Variants in KIF20A observed in about 807,000 individuals in gnomAD.
KIF20A encodes kinesin-like protein KIF20A.
A neutral mutation model predicts 113.0 loss-of-function variants in KIF20A; 66 were observed. The observed-to-expected ratio is 0.58, with a 90% CI of 0.48 to 0.72. The LOEUF (loss-of-function observed/expected upper bound fraction) is 0.72. Among genes scored for constraint, KIF20A ranks in the 30% least tolerant of loss-of-function variants. The probability of loss-of-function intolerance (pLI) is 0.00; values close to 1 mark genes in which losing one functional copy is unlikely to be tolerated. For synonymous variants in KIF20A, 376 were observed against 402.3 expected (o/e 0.93, Z 0.78); for missense variants, 927 against 1,077.6 (o/e 0.86, Z 1.96).
Position 138,183,582 on chromosome 5 carries a change from G to A in KIF20A, c.1139+1G>A, listed in dbSNP as rs763530837. ...ACCTCAACCAGAACTCCAGCCGCAG[G>A]TGAGTAGATTGTAAGAATAAACTCT... On this transcript the variant is annotated splice_donor_variant, in intron 9 of 18. Transcript: ENST00000394894. LOFTEE classifies it high-confidence loss of function. This position sits in a 1 kb window ranked among gnomAD's most constrained non-coding sequence, Gnocchi z 5.2. 3 of 1,613,708 alleles carry A rather than the reference G, an allele frequency of 1.9e-6. No homozygotes were observed. The highest frequency in any genetic ancestry group is 2.5e-6 in the Non-Finnish European group (3 of 1,179,738).
intron 4 of KIF20A, 182 bp downstream of exon 4, chr5:138,181,910 A>G (rs1007024137): frequency 1.6e-6 from 1 of 641,874 alleles, no homozygotes; most frequent in African/African-American, 1.8e-5. Context: ...AGTTCTGAAA[A>G]ATTCTATTGT....
chr5:138,184,618 A>G lies in KIF20A; in HGVS notation c.1625A>G (p.Asp542Gly). 6.2e-7 allele frequency: 1 copy of G among 1,614,202 alleles called. No individual in the cohort carries two copies. Among genetic ancestry groups the G allele is most frequent in the Non-Finnish European group, 8.5e-7 (1 of 1,180,018 alleles). ...AGCTTAGAGAAAGGGGCTAAGGCAG[A>G]CACAGGCCTTGATGATGATATTGAA... The part of the protein sequence containing the change: ...SPSLEKGAKA[D>G]TGLDDDIENE... The change falls in exon 13 of 19, where the codon GAC becomes GGC. Residue 542 changes from aspartate (D) to glycine (G), a missense_variant. Asp to Gly is a moderately conservative substitution (Grantham distance 94). Coordinates refer to ENST00000394894, the MANE Select transcript of KIF20A (RefSeq NM_005733.3).
chr5:138,179,859 G>A lies in KIF20A; in HGVS notation c.165+14G>A. The A allele has an allele frequency of 1.2e-6, 2 of 1,613,296 alleles. No individual in the cohort carries two copies. Among genetic ancestry groups the A allele is most frequent in the South Asian group, 2.2e-5 (2 of 91,024 alleles). On this transcript the variant is annotated intron_variant, in intron 2 of 18. Coordinates refer to ENST00000394894, the MANE Select transcript of KIF20A (RefSeq NM_005733.3). ...GACAAGCAGCAGGTAAAGGAACTGG[G>A]GAGTGGCTGGGGCGGAAAGTGATAT...
chr5:138,180,324 A>G (rs1025152458), intron 2 of KIF20A, among the ~76,000 whole-genome samples: 6 of 152,202 alleles, frequency 3.9e-5, no homozygotes, highest in African/African-American at 1.4e-4. Flanking sequence ...CAGTTCTTGT[A>G]GGGATCTGTC....
chr5:138,181,355 T>C (rs998821911), intron 2 of KIF20A, 67 bp from the exon 3 acceptor site: 3 of 1,275,456 alleles, frequency 2.4e-6, no homozygotes, highest in Non-Finnish European at 3.4e-6. Context: ...GAAACTACTG[T>C]TTGCCCATTT....
In KIF20A at chr5:138,187,646, G is replaced by A; in HGVS notation, c.*233G>A. Reference sequence around the variant, plus strand: ...TGCACACAAAAACAGTTATATTAAAGATATTATTGTTCACATTTTTTATTG... The same window carrying A: ...TGCACACAAAAACAGTTATATTAAAAATATTATTGTTCACATTTTTTATTG... On this transcript the variant is annotated 3_prime_UTR_variant, in exon 19 of 19. Transcript: ENST00000394894. 2.7e-6 allele frequency: 1 copy of A among 366,774 alleles called. No homozygotes were observed. Among genetic ancestry groups the A allele is most frequent in the Non-Finnish European group, 4.9e-6 (1 of 202,734 alleles). The allele number at this position is 366,774 out of a possible 1,614,324, so 22.7% of individuals were successfully genotyped here. A position where few individuals can be genotyped will look rare whatever the true frequency, so the allele number is the denominator to read the frequency against.
Position 138,183,681 on chromosome 5 carries a change from C to T in KIF20A, c.1140-7C>T. The stretch of plus-strand genomic sequence containing the variant: ...TGCAATGACTTTTTGTTTTTCTTAA[C>T]TTCCAGTCACAGCATCTTCTCAATC... On this transcript the variant is annotated splice_polypyrimidine_tract_variant and splice_region_variant and intron_variant, in intron 9 of 18. Transcript: ENST00000394894. This position sits in a 1 kb window ranked among gnomAD's most constrained non-coding sequence, Gnocchi z 5.2. 6.2e-7 allele frequency: 1 copy of T among 1,613,604 alleles called. No homozygotes were observed. The highest frequency in any genetic ancestry group is 8.5e-7 in the Non-Finnish European group (1 of 1,179,654).
At position 138,182,931 on chromosome 5, in the gene KIF20A, A is replaced by ACAGTGGCATTGCTGGGCT; in HGVS notation, c.775_792dup (p.Gly260_Ser265dup). The ACAGTGGCATTGCTGGGCT allele has an allele frequency of 6.2e-7, 1 of 1,614,202 alleles. No homozygotes were observed. Among genetic ancestry groups the ACAGTGGCATTGCTGGGCT allele is most frequent in the Non-Finnish European group, 8.5e-7 (1 of 1,180,024 alleles). ...CGGATAGGTACCAGCACCAGCTTCG[A>ACAGTGGCATTGCTGGGCT]CAGTGGCATTGCTGGGCTCTCTTCT... is the stretch of plus-strand genomic sequence containing the variant. On this transcript the variant is annotated inframe_insertion, in exon 7 of 19. Coordinates refer to ENST00000394894, the MANE Select transcript of KIF20A (RefSeq NM_005733.3).
Position 138,187,194 on chromosome 5 carries a change from G to A in KIF20A, c.2454G>A (p.Leu818=). The A allele has an allele frequency of 6.2e-7, 1 of 1,614,134 alleles. No individual in the cohort carries two copies. Among genetic ancestry groups the A allele is most frequent in the Non-Finnish European group, 8.5e-7 (1 of 1,180,008 alleles). ...TTGCTGAGCAGTATCATACTGTGTT[G>A]AAACTCCAAGGCCAGGTTTCTGCCA... ...ACIAEQYHTV[L]KLQGQVSAKK... Residue 818 remains leucine, a synonymous_variant, in exon 19 of 19, where the codon TTG becomes TTA. Coordinates refer to ENST00000394894, the MANE Select transcript of KIF20A (RefSeq NM_005733.3).
rs539429824 is a variant in KIF20A, at chr5:138,187,501, A to G, written c.*88A>G. On this transcript the variant is annotated 3_prime_UTR_variant, in exon 19 of 19. Transcript: ENST00000394894. ...ATAGGTCTCTTTTATGCTTTACCAT[A>G]TATCAGGAATTATATCCAGGATGCA... 1 of 1,068,380 alleles carries G rather than the reference A, an allele frequency of 9.4e-7. No individual in the cohort carries two copies. Among genetic ancestry groups the G allele is most frequent in the African/African-American group, 1.6e-5 (1 of 63,060 alleles). 66.2% of individuals were successfully genotyped at this position (1,068,380 alleles called of 1,614,324 possible).
rs1415204440 is a variant in KIF20A at position 138,184,195 on chromosome 5, C to G, written c.1353-44C>G. On this transcript the variant is annotated intron_variant, in intron 11 of 18. Transcript: ENST00000394894. ...GGATGGTGCTAGGATACCCAAAGGGCTGGTGTTCTGCTCACAGCTCTATTA... is the reference window on the plus strand; with the variant it reads ...GGATGGTGCTAGGATACCCAAAGGGGTGGTGTTCTGCTCACAGCTCTATTA... The G allele has an allele frequency of 5.6e-6, 9 of 1,611,062 alleles. No homozygotes were observed. In the Middle Eastern group the frequency reaches 8.3e-4, roughly 148 times the overall value.
intron 4 of KIF20A, 30 bp downstream of exon 4, chr5:138,181,758 G>C: frequency 6.2e-7 from 1 of 1,611,142 alleles, no homozygotes; most frequent in Non-Finnish European, 8.5e-7. Flanking sequence ...GTGAACAAAA[G>C]ACCAACATGT....
chr5:138,182,516 A>G (rs747521180), intron 5 of KIF20A, 55 bp downstream of exon 5: 7 of 1,611,736 alleles, frequency 4.3e-6, no homozygotes, highest in Non-Finnish European at 5.9e-6. Flanking sequence ...TGTTGTTTTT[A>G]CCTTTTGAGA....
chr5:138,183,463 G>A lies in KIF20A; in HGVS notation c.1028-7G>A. The stretch of plus-strand genomic sequence containing the variant: ...TCCCATCTTACACCCCTCTCCTTTG[G>A]CCCCAGATCTCAACTGGATTCATGT... On this transcript the variant is annotated splice_region_variant and splice_polypyrimidine_tract_variant and intron_variant, in intron 8 of 18. Transcript: ENST00000394894. The surrounding 1 kb of genome is among the most constrained non-coding windows in gnomAD (Gnocchi z 5.2). 2 of 1,613,668 alleles carry A rather than the reference G, an allele frequency of 1.2e-6. No homozygotes were observed. Among genetic ancestry groups the A allele is most frequent in the Non-Finnish European group, 8.5e-7 (1 of 1,179,618 alleles).
intron 13 of KIF20A, 55 bp downstream of exon 13, chr5:138,184,731 TG>T: frequency 6.2e-7 from 1 of 1,610,384 alleles, no homozygotes; most frequent in South Asian, 1.1e-5. Flanking sequence ...CATTTTTCCA[TG>T]GTGCCTTCCA....
intron 3 of KIF20A, 26 bp downstream of exon 3, chr5:138,181,537 A>C (rs745834176): frequency 3.7e-6 from 6 of 1,614,004 alleles, no homozygotes; most frequent in Non-Finnish European, 4.2e-6. Context: ...GGGAGGATTC[A>C]AGGTGAAATG....
rs1232774494 is a variant in KIF20A at position 138,182,858 on chromosome 5, C to A, written c.703-3C>A. On this transcript the variant is annotated splice_polypyrimidine_tract_variant and splice_region_variant and intron_variant, in intron 6 of 18. Coordinates refer to ENST00000394894, the MANE Select transcript of KIF20A (RefSeq NM_005733.3). ...TGCTTACCTTCTCCCTGTGCCCCTC[C>A]AGGAGGAGCTGTCCACTTCCTTGAA... The A allele has an allele frequency of 3.1e-6, 5 of 1,613,984 alleles. No individual in the cohort carries two copies. In the African/African-American group the frequency reaches 6.7e-5, roughly 22 times the overall value.
In KIF20A at chr5:138,179,122, T is replaced by C. The variant is rs1393778008; in HGVS notation, c.-102T>C. ...CTGCACCTCGTGGGCGGAGTTGTGCTCTGCGGCTGCGAAAGTCCAGCTTCG... is the reference window on the plus strand; with the variant it reads ...CTGCACCTCGTGGGCGGAGTTGTGCCCTGCGGCTGCGAAAGTCCAGCTTCG... On this transcript the variant is annotated 5_prime_UTR_variant, in exon 1 of 19. Transcript: ENST00000394894. The C allele has an allele frequency of 2.2e-5, 4 of 183,144 alleles. No individual in the cohort carries two copies. Among genetic ancestry groups the C allele is most frequent in the Admixed American group, 1.7e-4 (3 of 18,016 alleles). The allele number at this position is 183,144 out of a possible 1,614,324, so 11.3% of individuals were successfully genotyped here. A position where few individuals can be genotyped will look rare whatever the true frequency, so the allele number is the denominator to read the frequency against.
rs141718133 is a variant in KIF20A at position 138,180,663 on chromosome 5, T to G, written c.166-759T>G. On this transcript the variant is annotated intron_variant, in intron 2 of 18. Coordinates refer to ENST00000394894, the MANE Select transcript of KIF20A (RefSeq NM_005733.3). ...ATAGTAGACACTCTAAATATCTGGGTTTTTTTTGTTTTTTGGGTTTTTTTG... is the reference window on the plus strand; with the variant it reads ...ATAGTAGACACTCTAAATATCTGGGGTTTTTTTGTTTTTTGGGTTTTTTTG... Among the ~76,000 whole-genome samples, 393 of 147,932 alleles carry G rather than the reference T, an allele frequency of 2.7e-3. 4 individuals are homozygous for G. Among genetic ancestry groups the G allele is most frequent in the East Asian group, 0.024 (124 of 5,162 alleles).
Sources: allele counts gnomAD v4.1 joint callset (sites outside exome capture counted in the v4.1 genomes callset), GRCh38; gene constraint gnomAD v4.1.1; non-coding constraint Gnocchi (gnomAD v3.1); transcripts MANE v1.5; gene names NCBI Gene and HGNC (gene_info 2026-07-23, HGNC 2026-07-21).